CLMP: variants seen among roughly 807,000 people sequenced by gnomAD.
CLMP encodes the protein CXADR-like membrane protein.
CLMP carries 27 observed loss-of-function variants against 45.2 expected under a neutral mutation model. The observed-to-expected ratio is 0.60, with a 90% CI of 0.44 to 0.82. The LOEUF is 0.82. CLMP is among the 40% of genes least tolerant of loss of function. The pLI is 0.00. For missense variants in CLMP, 403 were observed against 448.4 expected (o/e 0.90, Z 0.91); for synonymous variants, 167 against 171.4 (o/e 0.97, Z 0.20).
At chr11:123,083,975 A>G in intron 3 of CLMP, 128 bp from the exon 4 acceptor site, 4 of 1,025,610 alleles carry the variant, frequency 3.9e-6, no homozygotes, top group Non-Finnish European at 5.7e-6. Context: ...TTGAGTGGGG[A>G]TTCAACTAGC....
chr11:123,184,360 G>A lies in CLMP; in HGVS notation c.28+10553C>T, dbSNP rs538064548. ...ATCCTGCCGCCTCGGCCTCCCAAAT[G>A]CAGGAATTACAAGCATGAGCCACCG... On this transcript the variant is annotated intron_variant, in intron 1 of 6. Transcript: ENST00000448775. Among the ~76,000 whole-genome samples the A allele has an allele frequency of 4.6e-5, 7 of 152,278 alleles. No homozygotes were observed. The South Asian group carries it at 1.4e-3, about 32-fold the overall frequency.
chr11:123,111,454 T>TGACTTTTCAAGATTGTTGAAGG (rs1384921496), intron 1 of CLMP, among the ~76,000 whole-genome samples: 6 of 152,178 alleles, frequency 3.9e-5, no homozygotes, highest in Admixed American at 2.6e-4. Context: ...ATTATTAACA[T>TGACTTTTCAAGATTGTTGAAGG]GACTTTTCAA....
At chr11:123,091,099 C>T (rs894906387) in intron 2 of CLMP, among the ~76,000 whole-genome samples, 1 of 151,818 alleles carries the variant, frequency 6.6e-6, no homozygotes, top group South Asian at 2.1e-4. Flanking sequence ...CTCTCTCTTT[C>T]TTTGTTTCCT....
chr11:123,179,335 A>G (rs920169975), intron 1 of CLMP, among the ~76,000 whole-genome samples: 3 of 152,138 alleles, frequency 2.0e-5, no homozygotes, highest in Non-Finnish European at 4.4e-5. Context: ...AGGGATTTCT[A>G]TTGGGTGGAG....
intron 1 of CLMP, among the ~76,000 whole-genome samples, chr11:123,192,727 T>C (rs1861925046): frequency 6.6e-6 from 1 of 152,128 alleles, no homozygotes; most frequent in African/African-American, 2.4e-5. Flanking sequence ...TGGAGTCAAC[T>C]GTCCCACAGT....
At chr11:123,194,291 C>T (rs1051604951) in intron 1 of CLMP, among the ~76,000 whole-genome samples, 1 of 152,176 alleles carries the variant, frequency 6.6e-6, no homozygotes, top group African/African-American at 2.4e-5. Context: ...CTTCTTCACT[C>T]TCTGTGCTCG....
At chr11:123,102,712 T>C (rs1225391798) in intron 1 of CLMP, among the ~76,000 whole-genome samples, 1 of 143,264 alleles carries the variant, frequency 7.0e-6, no homozygotes, top group African/African-American at 2.6e-5. Context: ...AGTAGCTTTT[T>C]TTTTTTTTTT....
rs1421537848 is a variant in CLMP, at chr11:123,085,992, G to C, written c.187-1279C>G. ...GGGTTTCTCCATGTTGGCCAGGCTG[G>C]TCTTGAACTCCTGACCTCAGATGAT... On this transcript the variant is annotated intron_variant, in intron 2 of 6. Coordinates refer to ENST00000448775, the MANE Select transcript of CLMP (RefSeq NM_024769.5). Among the ~76,000 whole-genome samples, 8 of 151,972 alleles carry C rather than the reference G, an allele frequency of 5.3e-5. 1 individual carries two copies. Among genetic ancestry groups the C allele is most frequent in the Admixed American group, 2.6e-4 (4 of 15,240 alleles).
intron 1 of CLMP, among the ~76,000 whole-genome samples, chr11:123,178,715 G>A (rs1446731862): frequency 6.6e-6 from 1 of 152,186 alleles, no homozygotes; most frequent in Non-Finnish European, 1.5e-5. Flanking sequence ...CAAATGAAAG[G>A]ACTCTCTCTA....
intron 1 of CLMP, among the ~76,000 whole-genome samples, chr11:123,167,524 A>G (rs531187201): frequency 1.3e-3 from 199 of 150,114 alleles, no homozygotes; most frequent in African/African-American, 4.6e-3. Flanking sequence ...TGACCTCGTG[A>G]TCCGCCTGCC....
chr11:123,109,778 A>T (rs1296757804), intron 1 of CLMP, among the ~76,000 whole-genome samples: 1 of 152,204 alleles, frequency 6.6e-6, no homozygotes, highest in Admixed American at 6.5e-5. Context: ...GCATTTATAG[A>T]GGTTCGATGT....
At chr11:123,111,019 C>G (rs78297018) in intron 1 of CLMP, among the ~76,000 whole-genome samples, 1 of 151,982 alleles carries the variant, frequency 6.6e-6, no homozygotes, top group African/African-American at 2.4e-5. Context: ...TATGAGTGCT[C>G]AGTATATTCA....
chr11:123,150,480 A>AAGGAAAGAAAGAAAGGAAGG (rs1565397435), intron 1 of CLMP, among the ~76,000 whole-genome samples: 1 of 40,962 alleles, frequency 2.4e-5, no homozygotes, highest in Non-Finnish European at 4.7e-5. Flanking sequence ...AGAAAGAAAG[A>AAGGAAAGAAAGAAAGGAAGG]AAGGAAGGAA....
At chr11:123,126,853 C>T (rs772255032) in intron 1 of CLMP, among the ~76,000 whole-genome samples, 25 of 151,226 alleles carry the variant, frequency 1.7e-4, no homozygotes, top group East Asian at 5.8e-4. Flanking sequence ...ACCAGGATGG[C>T]GCTACTGCAC....
intron 1 of CLMP, among the ~76,000 whole-genome samples, chr11:123,110,184 G>A (rs944398026): frequency 1.7e-4 from 26 of 152,242 alleles, no homozygotes; most frequent in Admixed American, 9.2e-4. Context: ...TTGCCCATGC[G>A]ATGGCTCACG....
Position 123,073,497 on chromosome 11 carries a change from T to C in CLMP, c.1099A>G (p.Ser367Gly). Reference protein sequence around the residue: ...ETTPSMIPSQSRAFQTV With the variant: ...ETTPSMIPSQGRAFQTV ...ATTCAGACCGTTTGGAAGGCTCTGCTCTGGCTGGGGATCATGCTGGGTGTG... is the reference window on the plus strand; with the variant it reads ...ATTCAGACCGTTTGGAAGGCTCTGCCCTGGCTGGGGATCATGCTGGGTGTG... Residue 367 changes from serine to glycine, a missense_variant, in exon 7 of 7, where the codon AGC becomes GGC. By Grantham distance (56) the Ser-to-Gly change is moderately conservative. Transcript: ENST00000448775. 1 of 1,613,822 alleles carries C rather than the reference T, an allele frequency of 6.2e-7. No homozygotes were observed. Among genetic ancestry groups the C allele is most frequent in the Non-Finnish European group, 8.5e-7 (1 of 1,179,842 alleles).
At chr11:123,132,936 T>G (rs926200356) in intron 1 of CLMP, among the ~76,000 whole-genome samples, 4 of 151,746 alleles carry the variant, frequency 2.6e-5, no homozygotes, top group African/African-American at 9.7e-5. Context: ...CCCAGCTAAT[T>G]TTTGTATTTT....
At chr11:123,139,279 T>C (rs1195717786) in intron 1 of CLMP, among the ~76,000 whole-genome samples, 2 of 151,884 alleles carry the variant, frequency 1.3e-5, no homozygotes, top group Non-Finnish European at 2.9e-5. Context: ...TGAAAACTAT[T>C]CTGTAGCTCA....
intron 5 of CLMP, among the ~76,000 whole-genome samples, chr11:123,077,922 C>T (rs185342554): frequency 1.7e-4 from 26 of 152,206 alleles, no homozygotes; most frequent in African/African-American, 6.3e-4. Flanking sequence ...GCCTGGCCAA[C>T]ATGGTAAGAC....
Sources: gnomAD v4.1 joint callset for allele counts (sites outside exome capture counted in the v4.1 genomes callset) on GRCh38, gnomAD v4.1.1 for gene constraint, MANE v1.5 for transcripts, NCBI Gene and HGNC (gene_info 2026-07-23, HGNC 2026-07-21) for gene names.